The following DZIP3 variants were observed in gnomAD, a reference collection of about 807,000 sequenced individuals.
The protein encoded by DZIP3 is E3 ubiquitin-protein ligase DZIP3.
Under a neutral mutation model 162.0 loss-of-function variants are expected in DZIP3, and 118 were observed. That is an observed-to-expected ratio of 0.73 (90% CI 0.63 to 0.85). The LOEUF (loss-of-function observed/expected upper bound fraction) is 0.85, where lower values mean the gene tolerates loss of function less well. DZIP3 is among the 40% of genes least tolerant of loss of function. The pLI, the probability that DZIP3 is intolerant of heterozygous loss-of-function variation, is 0.00. For missense variants in DZIP3, 1,331 were observed against 1,407.0 expected, an observed-to-expected ratio of 0.95 and a Z score of 0.86; for synonymous variants, 438 against 458.6, an observed-to-expected ratio of 0.96 and a Z score of 0.57.
intron 21 of DZIP3, among the ~76,000 whole-genome samples, chr3:108,663,510 C>T (rs1576440945): frequency 1.3e-5 from 2 of 148,940 alleles, no homozygotes; most frequent in African/African-American, 5.0e-5. Context: ...GAGCCGAGAT[C>T]GTGCCGTTGC....
chr3:108,687,949 C>T lies in DZIP3; in HGVS notation c.3150-27C>T, dbSNP rs566723933. 11 of 1,612,840 alleles carry T rather than the reference C, an allele frequency of 6.8e-6. No homozygotes were observed. The Admixed American group carries it at 1.3e-4, about 20-fold the overall frequency. On this transcript the variant is annotated intron_variant, in intron 28 of 32. Transcript: ENST00000361582. ...AAGGTACTAAGGAAAATCATTACTG[C>T]CCTTTCCTTTCCTTGATCTCTTGCA...
intron 13 of DZIP3, among the ~76,000 whole-genome samples, chr3:108,643,096 A>G (rs1304931977): frequency 2.0e-5 from 3 of 152,212 alleles, no homozygotes; most frequent in African/African-American, 7.2e-5. Flanking sequence ...TCCACAATGT[A>G]TATCAAGTAT....
In DZIP3 at chr3:108,694,371, T is replaced by G. The variant is rs896446956; in HGVS notation, c.*1018T>G. On this transcript the variant is annotated 3_prime_UTR_variant, in exon 33 of 33. Coordinates refer to ENST00000361582, the MANE Select transcript of DZIP3 (RefSeq NM_014648.4). ...TAATCACCTTGTCTAGCACCTTGTA[T>G]TAGTCCATTTTCATGCTGCTGATAA... 6.4e-6 allele frequency: 1 copy of G among 155,608 alleles called. No individual in the cohort carries two copies. Among genetic ancestry groups the G allele is most frequent in the African/African-American group, 2.4e-5 (1 of 41,500 alleles). 9.6% of individuals were successfully genotyped at this position (155,608 alleles called of 1,614,324 possible).
chr3:108,692,053 C>CT (rs1181709848), intron 32 of DZIP3, among the ~76,000 whole-genome samples: 3 of 151,978 alleles, frequency 2.0e-5, no homozygotes, highest in Admixed American at 6.6e-5. Flanking sequence ...TTACTAATGT[C>CT]TTTTTTTCAG....
intron 25 of DZIP3, among the ~76,000 whole-genome samples, chr3:108,676,413 A>G (rs1228587019): frequency 2.0e-5 from 3 of 152,116 alleles, no homozygotes; most frequent in Non-Finnish European, 4.4e-5. Flanking sequence ...ATTTGTTTTC[A>G]ATCTAACTTT....
intron 4 of DZIP3, among the ~76,000 whole-genome samples, chr3:108,611,731 C>T (rs1387359449): frequency 6.6e-6 from 1 of 152,014 alleles, no homozygotes; most frequent in African/African-American, 2.4e-5. Context: ...TTTGGGAGAC[C>T]GAGGTGAGTG....
At chr3:108,615,571 A>T (rs1221482401) in intron 4 of DZIP3, among the ~76,000 whole-genome samples, 1 of 152,224 alleles carries the variant, frequency 6.6e-6, no homozygotes, top group Non-Finnish European at 1.5e-5. Context: ...GGAAAATGTT[A>T]TATATGGAAA....
chr3:108,605,416 C>T lies in DZIP3; in HGVS notation c.10C>T (p.Leu4=), dbSNP rs1463504116. Residue 4 remains leucine (L), a synonymous_variant, in exon 2 of 33, where the codon CTA becomes TTA. Coordinates refer to ENST00000361582, the MANE Select transcript of DZIP3 (RefSeq NM_014648.4). MDS[L]PDEFFVRHPA... ...AGAAACCTTGTGCAGCATGGATTCT[C>T]TACCAGATGAATTTTTTGTGAGGTA... is the stretch of plus-strand genomic sequence containing the variant. The T allele has an allele frequency of 1.9e-6, 3 of 1,613,354 alleles. No individual in the cohort carries two copies. Among genetic ancestry groups the T allele is most frequent in the Admixed American group, 3.3e-5 (2 of 59,858 alleles).
chr3:108,655,451 T>G (rs1943063452), intron 19 of DZIP3, among the ~76,000 whole-genome samples: 1 of 152,202 alleles, frequency 6.6e-6, no homozygotes, highest in African/African-American at 2.4e-5. Context: ...CTATGTCATT[T>G]GGTTCTTACA....
intron 19 of DZIP3, among the ~76,000 whole-genome samples, chr3:108,657,490 C>G (rs1017111362): frequency 2.0e-5 from 3 of 152,108 alleles, no homozygotes; most frequent in African/African-American, 7.2e-5. Flanking sequence ...CTGAAGGAAG[C>G]ACTAAACATG....
intron 12 of DZIP3, 46 bp from the exon 13 acceptor site, chr3:108,642,392 G>T: frequency 7.0e-7 from 1 of 1,437,656 alleles, no homozygotes; most frequent in Non-Finnish European, 9.3e-7. Flanking sequence ...GACTGACTTT[G>T]GTATTATTTT....
intron 4 of DZIP3, among the ~76,000 whole-genome samples, chr3:108,615,932 G>T (rs1940978297): frequency 6.6e-6 from 1 of 152,066 alleles, no homozygotes; most frequent in African/African-American, 2.4e-5. Context: ...TGTGGATGTT[G>T]CCAACCCTTT....
chr3:108,662,304 C>T, intron 21 of DZIP3, 47 bp downstream of exon 21: 1 of 1,544,146 alleles, frequency 6.5e-7, no homozygotes. Context: ...CCGTAATAAA[C>T]AGTATCTTTA....
chr3:108,660,334 A>G (rs1465228325), intron 19 of DZIP3, among the ~76,000 whole-genome samples: 4 of 152,184 alleles, frequency 2.6e-5, no homozygotes, highest in Admixed American at 6.5e-5. Flanking sequence ...AAATAATGCC[A>G]CATATCTACA....
chr3:108,675,454 A>G (rs538509976), intron 24 of DZIP3, among the ~76,000 whole-genome samples: 2 of 152,146 alleles, frequency 1.3e-5, no homozygotes, highest in Admixed American at 6.6e-5. Flanking sequence ...ACACTGCTGT[A>G]TTAGATTACT....
chr3:108,619,323 TGTTTTG>T (rs1941203866), intron 5 of DZIP3, among the ~76,000 whole-genome samples: 1 of 150,156 alleles, frequency 6.7e-6, no homozygotes, highest in African/African-American at 2.5e-5. Context: ...TGTGTGTGTG[TGTTTTG>T]TTTTATATAC....
At chr3:108,622,484 G>T (rs1403950317) in intron 5 of DZIP3, among the ~76,000 whole-genome samples, 2 of 152,040 alleles carry the variant, frequency 1.3e-5, no homozygotes, top group Admixed American at 1.3e-4. Context: ...GCCTTTTTTG[G>T]TTTGGTAAAG....
chr3:108,684,339 C>T lies in DZIP3; in HGVS notation c.3007C>T (p.Leu1003=), dbSNP rs753803161. The change falls in exon 27 of 33, where the codon CTG becomes TTG. Residue 1003 remains leucine (L), a splice_region_variant and synonymous_variant. Transcript: ENST00000361582. ...VSATGQPRAP[L]MTGIAWALPA... The stretch of plus-strand genomic sequence containing the variant: ...TGCAACTGGCCAACCTAGAGCCCCC[C>T]TGGTAAAAGCTTTCTTGGTGGAATA... 4.9e-5 allele frequency: 79 copies of T among 1,607,148 alleles called. No individual in the cohort carries two copies. The Admixed American group carries it at 1.3e-3, about 27-fold the overall frequency.
chr3:108,691,961 A>T (rs1201265966), intron 32 of DZIP3, among the ~76,000 whole-genome samples: 1 of 152,038 alleles, frequency 6.6e-6, no homozygotes, highest in Non-Finnish European at 1.5e-5. Context: ...TAAGCCCCAA[A>T]TTCTAACCAC....
Sources: allele counts gnomAD v4.1 joint callset (sites outside exome capture counted in the v4.1 genomes callset), GRCh38; gene constraint gnomAD v4.1.1; transcripts MANE v1.5; gene names NCBI Gene and HGNC (gene_info 2026-07-23, HGNC 2026-07-21).